The following NUP107 variants were observed in gnomAD, a reference collection of about 807,000 sequenced individuals.
The protein encoded by NUP107 is nucleoporin 107.
A neutral mutation model predicts 141.0 loss-of-function variants in NUP107; 101 were observed. That is an observed-to-expected ratio of 0.72 (90% CI 0.61 to 0.84). NUP107 has a LOEUF of 0.84. NUP107 is among the 40% of genes least tolerant of loss of function. The pLI is 0.00. For synonymous variants in NUP107, 319 were observed against 363.9 expected, an observed-to-expected ratio of 0.88 and a Z score of 1.41; for missense variants, 941 against 1,102.7, an observed-to-expected ratio of 0.85 and a Z score of 2.08.
At chr12:68,708,333 CAAG>C (rs1466631114) in intron 8 of NUP107, among the ~76,000 whole-genome samples, 1 of 152,050 alleles carries the variant, frequency 6.6e-6, no homozygotes, top group Non-Finnish European at 1.5e-5. Flanking sequence ...TGGTACCTGT[CAAG>C]AAGTCCATGT....
intron 14 of NUP107, 55 bp downstream of exon 14, chr12:68,719,709 C>G (rs1677865388): frequency 8.1e-7 from 1 of 1,235,190 alleles, no homozygotes; most frequent in Non-Finnish European, 1.2e-6. Context: ...TAATTGAAAG[C>G]CTATTCAGGG....
chr12:68,716,410 T>C (rs982551694), intron 12 of NUP107, among the ~76,000 whole-genome samples: 2 of 151,994 alleles, frequency 1.3e-5, no homozygotes, highest in African/African-American at 2.4e-5. Flanking sequence ...TTTTTATTTT[T>C]TGTACAGACG....
chr12:68,709,370 A>G (rs1301570774), intron 9 of NUP107, 61 bp downstream of exon 9: 2 of 886,182 alleles, frequency 2.3e-6, no homozygotes, highest in African/African-American at 3.4e-5. Flanking sequence ...ATGACATGCA[A>G]AGTACTGAAG....
intron 6 of NUP107, among the ~76,000 whole-genome samples, chr12:68,700,266 A>G (rs1876266359): frequency 6.6e-6 from 1 of 152,176 alleles, no homozygotes; most frequent in African/African-American, 2.4e-5. Flanking sequence ...TTTTGTTTAG[A>G]AATGATAATG....
chr12:68,715,783 A>AT, intron 12 of NUP107, 43 bp downstream of exon 12: 1 of 1,207,986 alleles, frequency 8.3e-7, no homozygotes, highest in Non-Finnish European at 1.2e-6. Flanking sequence ...AAAAAGTCAT[A>AT]GACTCTTTGA....
intron 10 of NUP107, among the ~76,000 whole-genome samples, chr12:68,710,552 G>A (rs1056630213): frequency 2.0e-5 from 3 of 151,590 alleles, no homozygotes; most frequent in African/African-American, 7.3e-5. Context: ...CTACTTGGGA[G>A]GCTGAGGCAG....
intron 7 of NUP107, among the ~76,000 whole-genome samples, chr12:68,702,074 C>T (rs888831897): frequency 4.6e-5 from 7 of 151,438 alleles, no homozygotes; most frequent in African/African-American, 1.2e-4. Context: ...CTGCAACCTC[C>T]GCCTCCCAGG....
chr12:68,727,918 G>T (rs551639291), intron 20 of NUP107, among the ~76,000 whole-genome samples: 2 of 152,176 alleles, frequency 1.3e-5, no homozygotes, highest in East Asian at 1.9e-4. Context: ...GTTCAATCCC[G>T]TGTTGTTCAA....
intron 1 of NUP107, chr12:68,687,584 G>T (rs1014267785): frequency 1.0e-6 from 1 of 987,008 alleles, no homozygotes; most frequent in Non-Finnish European, 1.2e-6. Flanking sequence ...ACCAAGCAGT[G>T]TAAAGTGGTA....
chr12:68,699,648 A>G (rs1876231638), intron 6 of NUP107, among the ~76,000 whole-genome samples: 1 of 152,218 alleles, frequency 6.6e-6, no homozygotes, highest in Non-Finnish European at 1.5e-5. Context: ...GTCTTAAGAC[A>G]GTAGTAACAT....
chr12:68,703,240 G>T (rs982244695), intron 8 of NUP107, among the ~76,000 whole-genome samples: 12 of 152,032 alleles, frequency 7.9e-5, no homozygotes, highest in African/African-American at 2.9e-4. Context: ...ATCAAATATT[G>T]ATTTATATTA....
rs1346856214 is a variant in NUP107 at position 68,686,984 on chromosome 12, C to T, written c.-82C>T. 5 of 1,571,874 alleles carry T rather than the reference C, an allele frequency of 3.2e-6. No individual in the cohort carries two copies. The East Asian group carries it at 1.1e-4, about 35-fold the overall frequency. ...GACAGACTGCTTCCGGGTCGAAGGGCTTGCTTCCGGAGAGCGGGAAGGCTA... is the reference window on the plus strand; with the variant it reads ...GACAGACTGCTTCCGGGTCGAAGGGTTTGCTTCCGGAGAGCGGGAAGGCTA... On this transcript the variant is annotated 5_prime_UTR_variant, in exon 1 of 28. Transcript: ENST00000229179.
At chr12:68,699,989 G>A (rs988943021) in intron 6 of NUP107, among the ~76,000 whole-genome samples, 4 of 152,084 alleles carry the variant, frequency 2.6e-5, no homozygotes, top group African/African-American at 9.7e-5. Flanking sequence ...TGCAACCTCT[G>A]CCTCCTGGGT....
intron 3 of NUP107, 75 bp from the exon 4 acceptor site, chr12:68,690,556 G>T (rs1452545467): frequency 1.9e-6 from 3 of 1,591,346 alleles, no homozygotes; most frequent in East Asian, 4.5e-5. Flanking sequence ...ATTCTTCATT[G>T]TTTGTTTGCT....
At chr12:68,706,149 T>A (rs9668282) in intron 8 of NUP107, 1 of 766,042 alleles carries the variant, frequency 1.3e-6, no homozygotes, top group East Asian at 2.4e-5. Flanking sequence ...CAGGGGCTGG[T>A]GGAGGACTTC....
At chr12:68,705,695 G>T (rs1592500814) in intron 8 of NUP107, 1 of 650,296 alleles carries the variant, frequency 1.5e-6, no homozygotes, top group East Asian at 3.1e-5. Flanking sequence ...AGGGCCTTCA[G>T]TAGCCATTCC....
In NUP107 at chr12:68,745,520, A is replaced by C. The variant is rs993742667; in HGVS notation, c.*3058A>C. ...TTCTATCTCTTAGTCATTGCACCTG[A>C]CCTGATCCAAAACATATATATATAT... On this transcript the variant is annotated 3_prime_UTR_variant, in exon 28 of 28. Transcript: ENST00000229179. The C allele has an allele frequency of 1.3e-5, 2 of 152,100 alleles. No individual in the cohort carries two copies. The highest frequency in any genetic ancestry group is 2.9e-5 in the Non-Finnish European group (2 of 68,018). 9.4% of individuals were successfully genotyped at this position (152,100 alleles called of 1,614,324 possible).
At chr12:68,742,052 A>G (rs911534773) in intron 27 of NUP107, 72 bp downstream of exon 27, 5 of 1,217,622 alleles carry the variant, frequency 4.1e-6, no homozygotes, top group Admixed American at 2.4e-5. Flanking sequence ...AATTTTGTGA[A>G]GATGTGTTTA....
intron 5 of NUP107, 91 bp from the exon 6 acceptor site, chr12:68,696,728 C>A: frequency 1.4e-6 from 1 of 716,644 alleles, no homozygotes; most frequent in South Asian, 2.1e-5. Flanking sequence ...AATAAATAAA[C>A]AAATAAATAC....
Sources: allele counts gnomAD v4.1 joint callset (sites outside exome capture counted in the v4.1 genomes callset), GRCh38; gene constraint gnomAD v4.1.1; transcripts MANE v1.5; gene names NCBI Gene and HGNC (gene_info 2026-07-23, HGNC 2026-07-21).